The following C19orf18 variants were observed in gnomAD, a reference collection of about 807,000 sequenced individuals.
C19orf18 encodes the protein uncharacterized protein C19orf18.
A neutral mutation model predicts 23.3 loss-of-function variants in C19orf18; 21 were observed. The observed-to-expected ratio is 0.90, with a 90% CI of 0.64 to 1.30. The LOEUF is 1.30. C19orf18 is among the 50% of genes most tolerant of loss of function. The pLI is 0.00. For synonymous variants in C19orf18, 96 were observed against 95.2 expected (o/e 1.01, Z -0.05); for missense variants, 249 against 259.6 (o/e 0.96, Z 0.28).
At chr19:57,967,345 C>T (rs1179999665) in intron 3 of C19orf18, among the ~76,000 whole-genome samples, 1 of 152,198 alleles carries the variant, frequency 6.6e-6, no homozygotes, top group African/African-American at 2.4e-5. Flanking sequence ...TGTTTTTTAA[C>T]ATGTGAACAC....
chr19:57,964,267 T>C (rs956201051), intron 4 of C19orf18, among the ~76,000 whole-genome samples: 1 of 152,144 alleles, frequency 6.6e-6, no homozygotes, highest in East Asian at 1.9e-4. Flanking sequence ...TAATGAAATA[T>C]ACAGAAGCTA....
At position 57,961,563 on chromosome 19, in the gene C19orf18, T is replaced by C. The variant is rs2072872465; in HGVS notation, c.372-12A>G. 1.3e-6 allele frequency: 2 copies of C among 1,597,846 alleles called. No individual in the cohort carries two copies. The highest frequency in any genetic ancestry group is 1.1e-5 in the South Asian group (1 of 89,672). ...CCTGTGCCAGTCGACTGGAGAATGA[T>C]ATAAATGAATTTAGAAGCACAGTTT... On this transcript the variant is annotated splice_polypyrimidine_tract_variant and intron_variant, in intron 4 of 5. Coordinates refer to ENST00000314391, the MANE Select transcript of C19orf18 (RefSeq NM_152474.5).
At chr19:57,970,824 T>C (rs1445690368) in intron 3 of C19orf18, among the ~76,000 whole-genome samples, 1 of 152,150 alleles carries the variant, frequency 6.6e-6, no homozygotes, top group East Asian at 1.9e-4. Flanking sequence ...CCCCCCAAAG[T>C]GTTGGGATTA....
Position 57,964,234 on chromosome 19 carries a change from A to G in C19orf18, c.371+2296T>C, listed in dbSNP as rs144112651. Among the ~76,000 whole-genome samples, 476 of 152,292 alleles carry G rather than the reference A, an allele frequency of 3.1e-3. 4 individuals are homozygous for G. Among genetic ancestry groups the G allele is most frequent in the African/African-American group, 0.011 (448 of 41,570 alleles). On this transcript the variant is annotated intron_variant, in intron 4 of 5. Coordinates refer to ENST00000314391, the MANE Select transcript of C19orf18 (RefSeq NM_152474.5). ...ACTGAGTTGCATTACAAAACTTTAT[A>G]TTTATTAATAGTTTTGTTATAATAA...
intron 1 of C19orf18, 45 bp downstream of exon 1, chr19:57,974,267 T>G (rs979369304): frequency 1.4e-5 from 23 of 1,613,526 alleles, no homozygotes; most frequent in Non-Finnish European, 1.8e-5. Context: ...CTGAAACAGC[T>G]TTTCAATTCT....
At chr19:57,967,110 A>C (rs2072914108) in intron 3 of C19orf18, among the ~76,000 whole-genome samples, 1 of 82,378 alleles carries the variant, frequency 1.2e-5, no homozygotes, top group Admixed American at 1.1e-4. Flanking sequence ...AAGAAAACTG[A>C]AACAGACCAT....
intron 4 of C19orf18, among the ~76,000 whole-genome samples, chr19:57,963,042 T>G (rs1282351363): frequency 6.6e-6 from 1 of 150,928 alleles, no homozygotes; most frequent in African/African-American, 2.4e-5. Flanking sequence ...TTTTTTTTTT[T>G]GCAGATGGAG....
chr19:57,971,766 C>T (rs4801534), intron 3 of C19orf18, among the ~76,000 whole-genome samples: 29,713 of 152,098 alleles, frequency 0.2, 3,310 homozygotes, highest in African/African-American at 0.32. Flanking sequence ...CCACCGCACC[C>T]GGCCCAGAAT....
Position 57,969,940 on chromosome 19 carries a change from G to A in C19orf18, c.268+2523C>T, listed in dbSNP as rs576639455. On this transcript the variant is annotated intron_variant, in intron 3 of 5. Coordinates refer to ENST00000314391, the MANE Select transcript of C19orf18 (RefSeq NM_152474.5). ...TGAGAACTGTCAATTGCCCTCTCTA[G>A]AAGTTGTGCTCACTGCTAGCCTACA... Among the ~76,000 whole-genome samples, 76 of 150,780 alleles carry A rather than the reference G, an allele frequency of 5.0e-4. 1 individual carries two copies. Among genetic ancestry groups the A allele is most frequent in the African/African-American group, 1.8e-3 (74 of 40,996 alleles).
chr19:57,958,666 T>A lies in C19orf18; in HGVS notation c.584A>T (p.Gln195Leu). ...KNIKKKLKEE[Q>L]NSVTENKTKN... ...TGTTTTGTTTTCTGTTACTGAGTTT[T>A]GCTCTTCCTTCAGTTTCTTCTTAAT... is the stretch of plus-strand genomic sequence containing the variant. Residue 195 changes from glutamine (Q) to leucine (L), a missense_variant, in exon 6 of 6, where the codon CAA becomes CTA. Gln to Leu is a moderately radical substitution (Grantham distance 113). Transcript: ENST00000314391. The A allele has an allele frequency of 6.2e-7, 1 of 1,606,062 alleles. No homozygotes were observed.
chr19:57,963,217 TG>T (rs2072885631), intron 4 of C19orf18, among the ~76,000 whole-genome samples: 1 of 151,784 alleles, frequency 6.6e-6, no homozygotes, highest in Non-Finnish European at 1.5e-5. Flanking sequence ...TTAGTACAGA[TG>T]GGGTTTCTCC....
chr19:57,966,609 G>C lies in C19orf18; in HGVS notation c.292C>G (p.Leu98Val). ...NKAIIRHRPALVKVILISSVA... is the reference protein window; with the variant it reads ...NKAIIRHRPAVVKVILISSVA... Reference sequence around the variant, plus strand: ...CTCGAAATTAAAATTACTTTAACAAGAGCAGGTCTATGCCGAATTATTGCT... The same window carrying C: ...CTCGAAATTAAAATTACTTTAACAACAGCAGGTCTATGCCGAATTATTGCT... The change falls in exon 4 of 6, where the codon CTT becomes GTT. Residue 98 changes from leucine to valine, a missense_variant. Leu to Val is a conservative substitution (Grantham distance 32). Transcript: ENST00000314391. The C allele has an allele frequency of 1.2e-6, 2 of 1,612,786 alleles. No homozygotes were observed. Among genetic ancestry groups the C allele is most frequent in the East Asian group, 2.2e-5 (1 of 44,852 alleles).
intron 3 of C19orf18, among the ~76,000 whole-genome samples, chr19:57,970,095 A>G (rs1315192993): frequency 2.0e-5 from 3 of 152,204 alleles, no homozygotes; most frequent in Non-Finnish European, 2.9e-5. Flanking sequence ...ATTCAAACTT[A>G]AACTAATTTA....
intron 4 of C19orf18, among the ~76,000 whole-genome samples, chr19:57,962,804 C>A (rs995420880): frequency 6.6e-6 from 1 of 151,456 alleles, no homozygotes; most frequent in Non-Finnish European, 1.5e-5. Context: ...TTGCAATGAG[C>A]TGAGATGGTG....
chr19:57,972,242 T>C (rs1257729140), intron 3 of C19orf18, among the ~76,000 whole-genome samples: 2 of 152,230 alleles, frequency 1.3e-5, no homozygotes, highest in Non-Finnish European at 2.9e-5. Context: ...GCCTGTGCTC[T>C]ACTCACTACA....
rs191496070 is a variant in C19orf18, at chr19:57,965,605, C to T, written c.371+925G>A. 6.8e-4 allele frequency among the ~76,000 whole-genome samples: 104 copies of T among 152,142 alleles called. 1 individual carries two copies. Among genetic ancestry groups the T allele is most frequent in the East Asian group, 3.9e-4 (2 of 5,104 alleles). Reference sequence around the variant, plus strand: ...TACTAAAAATACAAAATTAGCCTGGCATGGTGGCGTATGCCTGCAGTAATC... The same window carrying T: ...TACTAAAAATACAAAATTAGCCTGGTATGGTGGCGTATGCCTGCAGTAATC... On this transcript the variant is annotated intron_variant, in intron 4 of 5. Coordinates refer to ENST00000314391, the MANE Select transcript of C19orf18 (RefSeq NM_152474.5).
intron 4 of C19orf18, among the ~76,000 whole-genome samples, chr19:57,965,203 C>G (rs945870813): frequency 6.6e-6 from 1 of 151,966 alleles, no homozygotes; most frequent in Non-Finnish European, 1.5e-5. Context: ...GGCGTGATCT[C>G]TGCCCACTGC....
intron 3 of C19orf18, among the ~76,000 whole-genome samples, chr19:57,967,083 CAAA>C (rs77176523): frequency 1.7e-5 from 2 of 115,746 alleles, no homozygotes; most frequent in Non-Finnish European, 1.8e-5. Context: ...AACTCCGTCT[CAAA>C]AAAAAAAAAA....
chr19:57,967,681 G>A (rs544329862), intron 3 of C19orf18, among the ~76,000 whole-genome samples: 6 of 151,970 alleles, frequency 3.9e-5, no homozygotes, highest in Admixed American at 2.0e-4. Flanking sequence ...GAGCCAGGGA[G>A]TGGGAGGTTG....
Sources: gnomAD v4.1 joint callset for allele counts (sites outside exome capture counted in the v4.1 genomes callset) on GRCh38, gnomAD v4.1.1 for gene constraint, MANE v1.5 for transcripts, NCBI Gene and HGNC (gene_info 2026-07-23, HGNC 2026-07-21) for gene names.